Variants in ANKRD30BL observed in about 807,000 individuals in gnomAD.
The protein encoded by ANKRD30BL is putative ankyrin repeat domain-containing protein 30B-like.
A neutral mutation model predicts 18.4 loss-of-function variants in ANKRD30BL; 20 were observed. The observed-to-expected ratio is 1.09, with a 90% CI of 0.77 to 1.58. The LOEUF is 1.58. Among genes scored for constraint, ANKRD30BL ranks in the 40% most tolerant of loss-of-function variants. The pLI, the probability that ANKRD30BL is intolerant of heterozygous loss-of-function variation, is 0.00. For synonymous variants in ANKRD30BL, 72 were observed against 100.9 expected (o/e 0.71, Z 1.72); for missense variants, 224 against 268.6 (o/e 0.83, Z 1.16).
At chr2:132,250,454 C>A (rs1680620756) in intron 1 of ANKRD30BL, among the ~76,000 whole-genome samples, 2 of 152,216 alleles carry the variant, frequency 1.3e-5, no homozygotes, top group African/African-American at 4.8e-5. Context: ...AGAAACACTG[C>A]TTGTGGTGCA....
intron 1 of ANKRD30BL, among the ~76,000 whole-genome samples, chr2:132,194,744 A>T (rs548338618): frequency 6.6e-6 from 1 of 152,332 alleles, no homozygotes; most frequent in East Asian, 1.9e-4. Context: ...AGATCTAAAC[A>T]TTAATTCAAG....
chr2:132,252,213 G>A (rs1311063300), intron 1 of ANKRD30BL, among the ~76,000 whole-genome samples: 1 of 152,230 alleles, frequency 6.6e-6, no homozygotes, highest in Non-Finnish European at 1.5e-5. Flanking sequence ...CGATGCTACT[G>A]GGAGGCCACC....
chr2:132,221,330 G>A (rs1679671889), intron 1 of ANKRD30BL, among the ~76,000 whole-genome samples: 5 of 145,568 alleles, frequency 3.4e-5, no homozygotes, highest in South Asian at 2.2e-4. Flanking sequence ...GGGGGGGTCA[G>A]CCCCCCGCCC....
Position 132,179,980 on chromosome 2 carries a change from C to CA in ANKRD30BL, n.442-22835dup, listed in dbSNP as rs539109192. Reference sequence around the variant, plus strand: ...AGTTGTGACAAAGGAGCCAAAAGGTCAAAAAAAGTATATTAAATAAAAAAA... The same window carrying CA: ...AGTTGTGACAAAGGAGCCAAAAGGTCAAAAAAAAGTATATTAAATAAAAAAA... On this transcript the variant is annotated intron_variant and non_coding_transcript_variant, in intron 1 of 4. Transcript: ENST00000470729. 2.3e-3 allele frequency among the ~76,000 whole-genome samples: 353 copies of CA among 151,672 alleles called. 1 individual carries two copies. Among genetic ancestry groups the CA allele is most frequent in the African/African-American group, 8.1e-3 (337 of 41,362 alleles).
At chr2:132,250,140 C>A (rs538932035) in intron 1 of ANKRD30BL, among the ~76,000 whole-genome samples, 2 of 152,158 alleles carry the variant, frequency 1.3e-5, no homozygotes, top group Non-Finnish European at 2.9e-5. Flanking sequence ...AAGCTTCTAT[C>A]TAGTTTTTAT....
At chr2:132,249,086 G>C (rs562409045) in intron 1 of ANKRD30BL, among the ~76,000 whole-genome samples, 2 of 151,572 alleles carry the variant, frequency 1.3e-5, no homozygotes, top group Non-Finnish European at 2.9e-5. Context: ...ACATTACAAA[G>C]CAGTTTCTCA....
chr2:132,165,485 G>A (rs1233562388), upstream of ANKRD30BL, among the ~76,000 whole-genome samples: 1 of 151,598 alleles, frequency 6.6e-6, no homozygotes, highest in Non-Finnish European at 1.5e-5. Context: ...CCTGAGCTCA[G>A]GAGTTGGACA....
chr2:132,196,083 A>T (rs1367938832), intron 1 of ANKRD30BL, among the ~76,000 whole-genome samples: 2 of 151,092 alleles, frequency 1.3e-5, no homozygotes, highest in Non-Finnish European at 2.9e-5. Flanking sequence ...CAGAGCTGGC[A>T]GTGAGCTGAG....
chr2:132,223,960 A>G (rs1679769627), intron 1 of ANKRD30BL, among the ~76,000 whole-genome samples: 2 of 152,152 alleles, frequency 1.3e-5, no homozygotes, highest in African/African-American at 4.8e-5. Flanking sequence ...AAACGAGAAT[A>G]TCTTCACATA....
At chr2:132,227,718 C>G (rs919264507) in intron 1 of ANKRD30BL, among the ~76,000 whole-genome samples, 1 of 152,130 alleles carries the variant, frequency 6.6e-6, no homozygotes. Flanking sequence ...AAGGAAATAT[C>G]TTCACATAAA....
At chr2:132,218,598 C>T (rs1403768076) in intron 1 of ANKRD30BL, among the ~76,000 whole-genome samples, 61 of 152,270 alleles carry the variant, frequency 4.0e-4, no homozygotes, top group African/African-American at 1.0e-3. Context: ...ACATTTGGAG[C>T]GCCTTGGGGC....
intron 1 of ANKRD30BL, among the ~76,000 whole-genome samples, chr2:132,214,951 G>A (rs1473917007): frequency 6.6e-6 from 1 of 152,034 alleles, no homozygotes; most frequent in Non-Finnish European, 1.5e-5. Context: ...CACTCTTTTT[G>A]TAGAATCTGC....
chr2:132,240,391 A>G (rs1680282928), intron 1 of ANKRD30BL, among the ~76,000 whole-genome samples: 1 of 151,966 alleles, frequency 6.6e-6, no homozygotes, highest in African/African-American at 2.4e-5. Context: ...ACAAAGTGGA[A>G]CGTTACTTTT....
chr2:132,205,021 G>C (rs1256768987), intron 1 of ANKRD30BL, among the ~76,000 whole-genome samples: 4 of 152,160 alleles, frequency 2.6e-5, no homozygotes, highest in Admixed American at 2.6e-4. Context: ...AGTGTGCAGA[G>C]CATTGTTATC....
chr2:132,206,448 CT>C (rs2104752502), intron 1 of ANKRD30BL, among the ~76,000 whole-genome samples: 1 of 152,284 alleles, frequency 6.6e-6, no homozygotes, highest in African/African-American at 2.4e-5. Context: ...AATCCCAGCT[CT>C]TCCACTTTCT....
At chr2:132,148,356 T>G in intron 5 of ANKRD30BL, 128 bp from the exon 6 acceptor site, 1 of 245,858 alleles carries the variant, frequency 4.1e-6, no homozygotes, top group East Asian at 1.4e-4. Context: ...TTTCTCCTTT[T>G]TTTTTTTTTT....
At chr2:132,156,073 G>C (rs1364197656) in intron 3 of ANKRD30BL, 2 of 151,866 alleles carry the variant, frequency 1.3e-5, no homozygotes, top group Non-Finnish European at 2.9e-5. Flanking sequence ...TCAGAAGTAT[G>C]AATAAAACGG....
intron 1 of ANKRD30BL, among the ~76,000 whole-genome samples, chr2:132,223,895 ACT>A (rs1046252660): frequency 1.4e-4 from 21 of 150,626 alleles, no homozygotes; most frequent in Non-Finnish European, 2.4e-4. Flanking sequence ...GTTTTGAAAC[ACT>A]CTTTAGTAGA....
intron 4 of ANKRD30BL, among the ~76,000 whole-genome samples, chr2:132,153,156 CA>C (rs372010893): frequency 2.6e-5 from 4 of 152,194 alleles, no homozygotes; most frequent in African/African-American, 9.6e-5. Flanking sequence ...TTTCTGCCCC[CA>C]CCGCCAATCC....
Sources: gnomAD v4.1 joint callset for allele counts (sites outside exome capture counted in the v4.1 genomes callset) on GRCh38, gnomAD v4.1.1 for gene constraint, MANE v1.5 for transcripts, NCBI Gene and HGNC (gene_info 2026-07-23, HGNC 2026-07-21) for gene names.